Variants in DCAF5 observed in about 807,000 individuals in gnomAD.
The protein encoded by DCAF5 is DDB1 and CUL4 associated factor 5, also known as DDB1- and CUL4-associated factor 5.
Under a neutral mutation model 80.7 loss-of-function variants are expected in DCAF5, and 9 were observed. That is an observed-to-expected ratio of 0.11 (90% confidence interval 0.07 to 0.19). The LOEUF is 0.19. Ranked by LOEUF, DCAF5 falls within the 10% of genes least tolerant of loss-of-function variation. DCAF5 has a pLI of 1.00. For missense variants in DCAF5, 842 were observed against 1,205.7 expected (o/e 0.70, Z 4.47); for synonymous variants, 433 against 461.9 (o/e 0.94, Z 0.80).
chr14:69,127,491 G>C (rs533548729), intron 1 of DCAF5, among the ~76,000 whole-genome samples: 12 of 152,140 alleles, frequency 7.9e-5, no homozygotes, highest in South Asian at 2.1e-4. Flanking sequence ...TGGAGGCAGG[G>C]GTTGAATATA....
intron 1 of DCAF5, among the ~76,000 whole-genome samples, chr14:69,140,165 G>A (rs2041321147): frequency 6.6e-6 from 1 of 151,952 alleles, no homozygotes; most frequent in African/African-American, 2.4e-5. Flanking sequence ...TACTTGGGAA[G>A]CTGAGGCACG....
At chr14:69,137,313 C>T (rs537371467) in intron 1 of DCAF5, among the ~76,000 whole-genome samples, 3 of 152,176 alleles carry the variant, frequency 2.0e-5, no homozygotes, top group Non-Finnish European at 4.4e-5. Flanking sequence ...TTGCCAGGTA[C>T]TTCCAGATCA....
At chr14:69,125,556 A>G (rs1198705146) in intron 1 of DCAF5, among the ~76,000 whole-genome samples, 1 of 152,254 alleles carries the variant, frequency 6.6e-6, no homozygotes, top group Non-Finnish European at 1.5e-5. Flanking sequence ...AGGGAAATGT[A>G]CGTTATAATT....
chr14:69,112,900 T>G (rs1447216331), intron 5 of DCAF5, among the ~76,000 whole-genome samples: 1 of 152,172 alleles, frequency 6.6e-6, no homozygotes, highest in East Asian at 1.9e-4. Context: ...GAGCCTATAC[T>G]TCCTACACTA....
Position 69,054,721 on chromosome 14 carries a change from T to A in DCAF5, c.1965A>T (p.Ser655=), listed in dbSNP as rs1193781635. Residue 655 remains serine, a synonymous_variant, in exon 9 of 9, where the codon TCA becomes TCT. Transcript: ENST00000341516. ...SRASPTSDIE[S]VERKIYKAYK... ...AAGCTTTATAAATTTTTCGCTCAAC[T>A]GATTCTATGTCAGAAGTTGGTGATG... 1 of 1,614,254 alleles carries A rather than the reference T, an allele frequency of 6.2e-7. No homozygotes were observed. Among genetic ancestry groups the A allele is most frequent in the Non-Finnish European group, 8.5e-7 (1 of 1,180,050 alleles).
intron 1 of DCAF5, among the ~76,000 whole-genome samples, chr14:69,145,106 C>T (rs1325480452): frequency 6.6e-6 from 1 of 152,172 alleles, no homozygotes; most frequent in Non-Finnish European, 1.5e-5. Flanking sequence ...CAGCCTTGAC[C>T]TTCCAGGCTC....
rs2041723927 is a variant in DCAF5 at position 69,152,054 on chromosome 14, G to A, written c.214+711C>T. Among the ~76,000 whole-genome samples the A allele has an allele frequency of 6.6e-6, 1 of 152,196 alleles. No individual in the cohort carries two copies. The highest frequency in any genetic ancestry group is 2.4e-5 in the African/African-American group (1 of 41,456). ...CACCCTACCGCCTGCCTCGCAAGTT[G>A]CGCATTCAAGTTCAGGCTGGTGCCC... On this transcript the variant is annotated intron_variant, in intron 1 of 8. Coordinates refer to ENST00000341516, the MANE Select transcript of DCAF5 (RefSeq NM_003861.3). This position sits in a 1 kb window ranked among gnomAD's most constrained non-coding sequence, Gnocchi z 4.1.
chr14:69,075,308 A>C (rs2038858395), intron 7 of DCAF5, 37 bp downstream of exon 7: 1 of 1,578,892 alleles, frequency 6.3e-7, no homozygotes, highest in Non-Finnish European at 8.7e-7. Context: ...CAACAGAGCC[A>C]GCAATAGCAG....
chr14:69,098,087 C>A (rs1389956206), intron 5 of DCAF5, among the ~76,000 whole-genome samples: 1 of 152,086 alleles, frequency 6.6e-6, no homozygotes, highest in Non-Finnish European at 1.5e-5. Flanking sequence ...GCCAGCAAGG[C>A]CCTAGACAAT....
intron 1 of DCAF5, among the ~76,000 whole-genome samples, chr14:69,135,793 T>C (rs1051927674): frequency 1.3e-5 from 2 of 152,220 alleles, no homozygotes; most frequent in African/African-American, 4.8e-5. Context: ...TCAACAAATG[T>C]GACTTTTTAA....
intron 6 of DCAF5, among the ~76,000 whole-genome samples, chr14:69,078,047 C>T (rs928489914): frequency 1.3e-5 from 2 of 152,098 alleles, no homozygotes; most frequent in Admixed American, 6.5e-5. Flanking sequence ...CTGGATTAGA[C>T]CTGAAAAGTC....
At position 69,050,926 on chromosome 14, in the gene DCAF5, G is replaced by GT. The variant is rs1259723992; in HGVS notation, c.*2930dup. On this transcript the variant is annotated 3_prime_UTR_variant, in exon 9 of 9. Transcript: ENST00000341516. ...GGAAGAGAAGAGGAAGACGTGAGAA[G>GT]TGAATAATAGGTTTATTTGCATATA... 1 of 152,648 alleles carries GT rather than the reference G, an allele frequency of 6.6e-6. No individual in the cohort carries two copies. The highest frequency in any genetic ancestry group is 1.9e-4 in the East Asian group (1 of 5,204). 9.5% of individuals were successfully genotyped at this position (152,648 alleles called of 1,614,324 possible).
chr14:69,119,334 C>A, intron 2 of DCAF5, 104 bp from the exon 3 acceptor site: 13 of 1,095,118 alleles, frequency 1.2e-5, no homozygotes, highest in South Asian at 3.0e-5. Context: ...ATGAACAAAG[C>A]CAATGCTAAT....
chr14:69,120,130 C>A (rs994498981), intron 2 of DCAF5, among the ~76,000 whole-genome samples: 5 of 152,066 alleles, frequency 3.3e-5, no homozygotes, highest in African/African-American at 1.2e-4. Context: ...GTTGTCCAGG[C>A]TGGAGTGCAG....
intron 7 of DCAF5, among the ~76,000 whole-genome samples, chr14:69,075,028 T>A (rs1033903581): frequency 2.6e-4 from 38 of 147,090 alleles, no homozygotes; most frequent in African/African-American, 5.3e-5. Context: ...GAGTGAAACT[T>A]TGTCTCAAAA....
chr14:69,117,186 T>C (rs2040567956), intron 4 of DCAF5, among the ~76,000 whole-genome samples: 1 of 152,186 alleles, frequency 6.6e-6, no homozygotes, highest in Non-Finnish European at 1.5e-5. Context: ...ATATGCAGTA[T>C]TTCACAGGTC....
chr14:69,109,625 AT>A (rs1452748871), intron 5 of DCAF5, among the ~76,000 whole-genome samples: 2 of 152,172 alleles, frequency 1.3e-5, no homozygotes, highest in East Asian at 3.9e-4. Flanking sequence ...AGATTCATCC[AT>A]GTCAATGTGT....
chr14:69,117,016 T>C (rs1326506907), intron 4 of DCAF5, among the ~76,000 whole-genome samples: 5 of 152,200 alleles, frequency 3.3e-5, no homozygotes, highest in South Asian at 2.1e-4. Context: ...CCCTAACATC[T>C]AGCCAGTCTG....
At chr14:69,136,956 G>A (rs1347063357) in intron 1 of DCAF5, among the ~76,000 whole-genome samples, 2 of 152,136 alleles carry the variant, frequency 1.3e-5, no homozygotes, top group African/African-American at 4.8e-5. Flanking sequence ...TATGTTTAAT[G>A]TATGTATACT....
Sources: gnomAD v4.1 joint callset for allele counts (sites outside exome capture counted in the v4.1 genomes callset) on GRCh38, gnomAD v4.1.1 for gene constraint, Gnocchi (gnomAD v3.1) non-coding constraint, MANE v1.5 for transcripts, NCBI Gene and HGNC (gene_info 2026-07-23, HGNC 2026-07-21) for gene names.